ITPRID1: variants seen among roughly 807,000 people sequenced by gnomAD.
The protein encoded by ITPRID1 is ITPR interacting domain containing 1.
A neutral mutation model predicts 95.4 loss-of-function variants in ITPRID1; 96 were observed. That is an observed-to-expected ratio of 1.01 (90% CI 0.85 to 1.19). The LOEUF (loss-of-function observed/expected upper bound fraction) is 1.19. Ranked by LOEUF, ITPRID1 falls within the 50% of genes most tolerant of loss-of-function variation. ITPRID1 has a pLI of 0.00. For synonymous variants in ITPRID1, 510 were observed against 453.6 expected (o/e 1.12, Z -1.58); for missense variants, 1,339 against 1,252.9 (o/e 1.07, Z -1.04).
intron 10 of ITPRID1, among the ~76,000 whole-genome samples, chr7:31,589,248 A>AT (rs1489392921): frequency 3.3e-5 from 5 of 152,130 alleles, no homozygotes; most frequent in Non-Finnish European, 7.3e-5. Context: ...GGATTTTAAT[A>AT]TATCTATAGA....
intron 10 of ITPRID1, among the ~76,000 whole-genome samples, chr7:31,625,106 TAAG>T (rs1230062517): frequency 2.6e-5 from 4 of 152,102 alleles, no homozygotes; most frequent in Non-Finnish European, 5.9e-5. Context: ...TGGCAATCAT[TAAG>T]AAGTCGGGAA....
chr7:31,605,903 C>A (rs1049723393), intron 10 of ITPRID1, among the ~76,000 whole-genome samples: 1 of 152,160 alleles, frequency 6.6e-6, no homozygotes, highest in African/African-American at 2.4e-5. Flanking sequence ...CCATACAGAC[C>A]TCAATGATGA....
chr7:31,517,668 C>T, intron 1 of ITPRID1: 1 of 152,808 alleles, frequency 6.5e-6, no homozygotes, highest in Non-Finnish European at 1.5e-5. Context: ...CCGTGCGCAG[C>T]CCCGGCTGCC....
downstream of ITPRID1, chr7:31,656,619 C>T: frequency 5.1e-6 from 2 of 390,012 alleles, no homozygotes; most frequent in Non-Finnish European, 7.0e-6. Flanking sequence ...TCTCAGGAGA[C>T]AATGAAGAGA....
chr7:31,623,899 A>G (rs201632502), intron 10 of ITPRID1, among the ~76,000 whole-genome samples: 17,283 of 151,638 alleles, frequency 0.11, 1,142 homozygotes, highest in Non-Finnish European at 0.15. Flanking sequence ...AATCTCCTTA[A>G]GCTGATAAGC....
chr7:31,599,738 G>C (rs901975313), intron 10 of ITPRID1, among the ~76,000 whole-genome samples: 4 of 141,436 alleles, frequency 2.8e-5, no homozygotes, highest in Non-Finnish European at 3.0e-5. Flanking sequence ...GTCTCTCTCT[G>C]TCGCCCAGGC....
intron 2 of ITPRID1, chr7:31,551,785 A>G (rs1784291213): frequency 6.9e-6 from 2 of 291,302 alleles, no homozygotes; most frequent in South Asian, 2.8e-5. Context: ...AATGATTTAC[A>G]TGTCATGTGA....
At chr7:31,646,693 A>G (rs190809808) in intron 12 of ITPRID1, among the ~76,000 whole-genome samples, 68 of 152,218 alleles carry the variant, frequency 4.5e-4, no homozygotes, top group Non-Finnish European at 7.6e-4. Context: ...ACACTTTGTC[A>G]TATCAGCACT....
intron 10 of ITPRID1, among the ~76,000 whole-genome samples, chr7:31,592,149 A>T (rs1229652825): frequency 6.6e-6 from 1 of 152,188 alleles, no homozygotes; most frequent in Non-Finnish European, 1.5e-5. Context: ...TCACTCTCAA[A>T]GATAACAGGA....
chr7:31,521,091 T>C (rs56798829), intron 1 of ITPRID1, among the ~76,000 whole-genome samples: 35,428 of 151,742 alleles, frequency 0.23, 4,279 homozygotes, highest in East Asian at 0.41. Flanking sequence ...CTCTTATTTT[T>C]ATTATTTCTT....
At chr7:31,537,825 A>G (rs975097925) in intron 1 of ITPRID1, among the ~76,000 whole-genome samples, 1 of 152,170 alleles carries the variant, frequency 6.6e-6, no homozygotes, top group Non-Finnish European at 1.5e-5. Context: ...TTGGATTAGT[A>G]TCTTCCTAAT....
intron 1 of ITPRID1, among the ~76,000 whole-genome samples, chr7:31,526,256 G>A (rs1783417896): frequency 1.3e-5 from 2 of 152,184 alleles, no homozygotes; most frequent in African/African-American, 4.8e-5. Context: ...TATACAGCTG[G>A]TCTCTGACAT....
chr7:31,546,481 A>G (rs1281631987), intron 1 of ITPRID1, among the ~76,000 whole-genome samples: 1 of 151,360 alleles, frequency 6.6e-6, no homozygotes, highest in Non-Finnish European at 1.5e-5. Context: ...ATAATCTCCT[A>G]ATTTTTCTAA....
chr7:31,649,986 A>G (rs1790809572), intron 12 of ITPRID1, among the ~76,000 whole-genome samples: 1 of 152,176 alleles, frequency 6.6e-6, no homozygotes, highest in South Asian at 2.1e-4. Context: ...GTAGAGTCAG[A>G]AAAGTGAAAA....
intron 10 of ITPRID1, among the ~76,000 whole-genome samples, chr7:31,588,917 A>G (rs1785742719): frequency 6.6e-6 from 1 of 152,094 alleles, no homozygotes. Flanking sequence ...ACAATATACC[A>G]TTCACAATAT....
Position 31,569,767 on chromosome 7 carries a change from A to G in ITPRID1, c.266A>G (p.Tyr89Cys), listed in dbSNP as rs149696374. The stretch of plus-strand genomic sequence containing the variant: ...TTTTTTGTTGTTGCAGTTTCTTTGT[A>G]TGAACAAGGGATGGTTCAAATGACT... ...QQVIDRTVSLYEQGMVQMTVK... is the reference protein window; with the variant it reads ...QQVIDRTVSLCEQGMVQMTVK... The change falls in exon 6 of 15, where the codon TAT becomes TGT. Residue 89 changes from tyrosine to cysteine, a missense_variant. By Grantham distance (194) the Tyr-to-Cys change is radical. Transcript: ENST00000615280. 2.1e-4 allele frequency: 337 copies of G among 1,584,270 alleles called. No individual in the cohort carries two copies. The African/African-American group carries it at 3.9e-3, about 19-fold the overall frequency.
intron 10 of ITPRID1, among the ~76,000 whole-genome samples, chr7:31,633,431 A>T (rs1157129593): frequency 2.0e-5 from 3 of 152,212 alleles, no homozygotes; most frequent in Non-Finnish European, 4.4e-5. Flanking sequence ...ACCATCTATA[A>T]GGAGTGTTCT....
chr7:31,620,451 C>T (rs988831471), intron 10 of ITPRID1, among the ~76,000 whole-genome samples: 14 of 151,528 alleles, frequency 9.2e-5, no homozygotes, highest in South Asian at 2.1e-4. Flanking sequence ...TCGAGATTCA[C>T]GAAAAATACC....
In ITPRID1 at chr7:31,522,572, A is replaced by T. The variant is rs186309852; in HGVS notation, c.-98+8452A>T. Among the ~76,000 whole-genome samples, 6 of 152,328 alleles carry T rather than the reference A, an allele frequency of 3.9e-5. No individual in the cohort carries two copies. In the East Asian group the frequency reaches 1.2e-3, roughly 29 times the overall value. On this transcript the variant is annotated intron_variant, in intron 1 of 14. Coordinates refer to ENST00000615280, the MANE Select transcript of ITPRID1 (RefSeq NM_001257967.3). ...CAAGTCCATATTACTCAAAGTTGGG[A>T]CAGATGCATTCTTTCGAGGATCCTT...
Sources: allele counts gnomAD v4.1 joint callset (sites outside exome capture counted in the v4.1 genomes callset), GRCh38; gene constraint gnomAD v4.1.1; transcripts MANE v1.5; gene names NCBI Gene and HGNC (gene_info 2026-07-23, HGNC 2026-07-21).